Variants in TMEFF1 observed in about 807,000 individuals in gnomAD.
The protein encoded by TMEFF1 is tomoregulin-1.
A neutral mutation model predicts 47.5 loss-of-function variants in TMEFF1; 20 were observed. The observed-to-expected ratio is 0.42, with a 90% CI of 0.30 to 0.61. The LOEUF (loss-of-function observed/expected upper bound fraction) is 0.61. TMEFF1 is among the 20% of genes least tolerant of loss of function. The pLI, the probability that TMEFF1 is intolerant of heterozygous loss-of-function variation, is 0.19. For synonymous variants in TMEFF1, 162 were observed against 166.3 expected, an observed-to-expected ratio of 0.97 and a Z score of 0.20; for missense variants, 411 against 471.1, an observed-to-expected ratio of 0.87 and a Z score of 1.18.
At chr9:100,486,388 G>A (rs1470302341) in intron 1 of TMEFF1, among the ~76,000 whole-genome samples, 2 of 151,966 alleles carry the variant, frequency 1.3e-5, no homozygotes, top group African/African-American at 4.8e-5. Context: ...GATTACCGGC[G>A]CGTGCCACCA....
intron 1 of TMEFF1, among the ~76,000 whole-genome samples, chr9:100,489,963 A>T (rs1001749377): frequency 6.6e-6 from 1 of 152,020 alleles, no homozygotes; most frequent in African/African-American, 2.4e-5. Context: ...CTGATCTTAC[A>T]GTAGTTTTTC....
At chr9:100,509,691 G>T (rs538237612) in intron 3 of TMEFF1, among the ~76,000 whole-genome samples, 9 of 151,744 alleles carry the variant, frequency 5.9e-5, no homozygotes, top group African/African-American at 1.9e-4. Flanking sequence ...GGAGAATGGC[G>T]TGAACCCAGG....
intron 5 of TMEFF1, among the ~76,000 whole-genome samples, chr9:100,530,141 G>T (rs1300388277): frequency 6.6e-6 from 1 of 151,114 alleles, no homozygotes; most frequent in East Asian, 1.9e-4. Context: ...AGAGAAAGCA[G>T]GAAAGATCCA....
rs1228669898 is a variant in TMEFF1, at chr9:100,473,760, G to C, written c.196+20G>C. 6.8e-7 allele frequency: 1 copy of C among 1,472,120 alleles called. No individual in the cohort carries two copies. Among genetic ancestry groups the C allele is most frequent in the South Asian group, 1.3e-5 (1 of 76,412 alleles). 91.2% of individuals were successfully genotyped at this position (1,472,120 alleles called of 1,614,324 possible). On this transcript the variant is annotated intron_variant, in intron 1 of 9. Coordinates refer to ENST00000374879, the MANE Select transcript of TMEFF1 (RefSeq NM_003692.5). This position sits in a 1 kb window ranked among gnomAD's most constrained non-coding sequence, Gnocchi z 5.4. The stretch of plus-strand genomic sequence containing the variant: ...GCTCAGGTAGGACCGGTCGGAGCCG[G>C]CCCTAGGTCTTCCCACCCCTCCGTT...
intron 8 of TMEFF1, 150 bp downstream of exon 8, chr9:100,561,670 G>T: frequency 7.9e-7 from 1 of 1,264,882 alleles, no homozygotes. Flanking sequence ...AGCATCATTT[G>T]GAAAAAAAAA....
At chr9:100,544,462 G>A (rs938367150) in intron 5 of TMEFF1, among the ~76,000 whole-genome samples, 3 of 152,188 alleles carry the variant, frequency 2.0e-5, no homozygotes, top group Admixed American at 2.0e-4. Context: ...ACTATCATGA[G>A]AGCAGCACAG....
At chr9:100,476,991 C>T (rs986844009) in intron 1 of TMEFF1, among the ~76,000 whole-genome samples, 11 of 152,120 alleles carry the variant, frequency 7.2e-5, no homozygotes, top group Non-Finnish European at 1.3e-4. Flanking sequence ...CCACCGCGCC[C>T]GGCCTATTTC....
At chr9:100,513,375 C>G in intron 4 of TMEFF1, 42 bp downstream of exon 4, 1 of 1,462,016 alleles carries the variant, frequency 6.8e-7, no homozygotes, top group Non-Finnish European at 9.1e-7. Context: ...GCTTTTCTTT[C>G]TTTCTTTCTT....
At chr9:100,536,858 C>T (rs568352628) in intron 5 of TMEFF1, among the ~76,000 whole-genome samples, 24 of 152,124 alleles carry the variant, frequency 1.6e-4, no homozygotes, top group Admixed American at 1.2e-3. Context: ...AAAAGGTGTT[C>T]AGTAATGGAT....
chr9:100,489,008 C>G (rs1175444523), intron 1 of TMEFF1, among the ~76,000 whole-genome samples: 2 of 152,018 alleles, frequency 1.3e-5, no homozygotes, highest in Non-Finnish European at 2.9e-5. Flanking sequence ...TCACTATCTA[C>G]CATCTAATTA....
intron 2 of TMEFF1, among the ~76,000 whole-genome samples, chr9:100,502,902 T>C (rs1281633085): frequency 6.6e-6 from 1 of 152,186 alleles, no homozygotes; most frequent in Non-Finnish European, 1.5e-5. Context: ...ATGCTGAGGA[T>C]GTAAAGATGT....
intron 5 of TMEFF1, among the ~76,000 whole-genome samples, chr9:100,546,522 C>A (rs992239826): frequency 6.6e-6 from 1 of 151,882 alleles, no homozygotes; most frequent in Admixed American, 6.6e-5. Flanking sequence ...CAAACCACAT[C>A]AGGCCTGCAA....
chr9:100,513,230 G>C lies in TMEFF1; in HGVS notation c.437-77G>C, dbSNP rs887072349. On this transcript the variant is annotated intron_variant, in intron 3 of 9. Transcript: ENST00000374879. ...GAATGGATATCACAGTTTTATTTTT[G>C]ATAGGAAATTTTATTATTTGATAAG... 2.6e-6 allele frequency: 4 copies of C among 1,563,110 alleles called. No individual in the cohort carries two copies. In the African/African-American group the frequency reaches 5.5e-5, roughly 22 times the overall value.
chr9:100,523,865 T>G (rs1838210085), intron 5 of TMEFF1, among the ~76,000 whole-genome samples: 1 of 152,236 alleles, frequency 6.6e-6, no homozygotes, highest in African/African-American at 2.4e-5. Context: ...TATCCCTGTT[T>G]TAAAGACTTG....
intron 1 of TMEFF1, among the ~76,000 whole-genome samples, chr9:100,478,311 C>CT (rs1837272603): frequency 1.3e-5 from 2 of 152,074 alleles, no homozygotes; most frequent in African/African-American, 4.8e-5. Context: ...CTCAACAAGA[C>CT]TTTTTTGTTT....
At chr9:100,487,748 C>T (rs562802191) in intron 1 of TMEFF1, among the ~76,000 whole-genome samples, 14 of 149,882 alleles carry the variant, frequency 9.3e-5, no homozygotes, top group Non-Finnish European at 1.6e-4. Flanking sequence ...CATTGGAATC[C>T]TATAAGGGAT....
At chr9:100,571,725 G>C (rs1839243225) in intron 8 of TMEFF1, among the ~76,000 whole-genome samples, 1 of 152,074 alleles carries the variant, frequency 6.6e-6, no homozygotes, top group South Asian at 2.1e-4. Context: ...TTATTACATG[G>C]TAATACTTAA....
chr9:100,555,746 T>C (rs935708082), intron 7 of TMEFF1, among the ~76,000 whole-genome samples: 2 of 152,334 alleles, frequency 1.3e-5, no homozygotes, highest in African/African-American at 2.4e-5. Flanking sequence ...ATTGGTGAGA[T>C]AGTTATCTGT....
intron 7 of TMEFF1, among the ~76,000 whole-genome samples, chr9:100,556,070 C>T (rs949710672): frequency 1.3e-5 from 2 of 152,108 alleles, no homozygotes; most frequent in Admixed American, 6.6e-5. Context: ...GATATTTAAT[C>T]CCCTCTGAGC....
Sources: gnomAD v4.1 joint callset for allele counts (sites outside exome capture counted in the v4.1 genomes callset) on GRCh38, gnomAD v4.1.1 for gene constraint, Gnocchi (gnomAD v3.1) non-coding constraint, MANE v1.5 for transcripts, NCBI Gene and HGNC (gene_info 2026-07-23, HGNC 2026-07-21) for gene names.